Variants in TNFAIP8 observed in about 807,000 individuals in gnomAD.
TNFAIP8 encodes the protein TNF alpha induced protein 8.
In TNFAIP8, 7 loss-of-function variants were observed where a neutral mutation model predicts 13.3. The observed-to-expected ratio is 0.52, with a 90% CI of 0.30 to 0.99. The LOEUF (loss-of-function observed/expected upper bound fraction) is 0.99. Among genes scored for constraint, TNFAIP8 ranks in the 50% least tolerant of loss-of-function variants. TNFAIP8 has a pLI of 0.07. For missense variants in TNFAIP8, 258 were observed against 236.9 expected (o/e 1.09, Z -0.58); for synonymous variants, 94 against 87.6 (o/e 1.07, Z -0.41).
chr5:119,287,600 C>T (rs1299556109), intron 1 of TNFAIP8, among the ~76,000 whole-genome samples: 3 of 152,134 alleles, frequency 2.0e-5, no homozygotes, highest in Non-Finnish European at 4.4e-5. Context: ...TCCCCATTCC[C>T]CACCCTCCAA....
intron 1 of TNFAIP8, among the ~76,000 whole-genome samples, chr5:119,271,692 CAA>C (rs1162686988): frequency 1.3e-5 from 2 of 152,208 alleles, no homozygotes; most frequent in Non-Finnish European, 2.9e-5. Flanking sequence ...ATCTGGATAA[CAA>C]AGTGGACAAT....
intron 1 of TNFAIP8, chr5:119,306,318 C>CTTTTTTTT (rs770923933): frequency 3.3e-5 from 4 of 121,754 alleles, no homozygotes; most frequent in African/African-American, 4.2e-5. Flanking sequence ...TTCTTTCTTT[C>CTTTTTTTT]TTTTTCTTTT....
chr5:119,299,602 C>T (rs553032476), intron 1 of TNFAIP8, among the ~76,000 whole-genome samples: 2 of 152,310 alleles, frequency 1.3e-5, no homozygotes, highest in South Asian at 2.1e-4. Context: ...TCTCAGATCT[C>T]CAGCTGTGTG....
intron 1 of TNFAIP8, among the ~76,000 whole-genome samples, chr5:119,365,134 G>A (rs1019312609): frequency 4.6e-5 from 7 of 152,086 alleles, no homozygotes; most frequent in Non-Finnish European, 1.0e-4. Flanking sequence ...TTACAGGTGT[G>A]AGCCACCGCA....
chr5:119,366,954 G>C (rs1158537195), intron 1 of TNFAIP8, among the ~76,000 whole-genome samples: 1 of 152,188 alleles, frequency 6.6e-6, no homozygotes, highest in Non-Finnish European at 1.5e-5. Context: ...TGAGGGAGAG[G>C]AGATGTTGAT....
intron 1 of TNFAIP8, among the ~76,000 whole-genome samples, chr5:119,339,987 T>C (rs186968220): frequency 7.9e-4 from 121 of 152,346 alleles, no homozygotes; most frequent in Non-Finnish European, 1.5e-3. Context: ...GAGTTTCATT[T>C]AGTTTTCTCT....
chr5:119,351,788 C>CTTTTTCT (rs1751165710), upstream of TNFAIP8, among the ~76,000 whole-genome samples: 2 of 138,240 alleles, frequency 1.4e-5, no homozygotes, highest in African/African-American at 5.9e-5. Flanking sequence ...TTTTCTTTTT[C>CTTTTTCT]TTTTTTTCTT....
intron 1 of TNFAIP8, among the ~76,000 whole-genome samples, chr5:119,344,875 G>T (rs558280404): frequency 6.6e-6 from 1 of 152,118 alleles, no homozygotes; most frequent in Non-Finnish European, 1.5e-5. Context: ...TAATATTAAG[G>T]CTCCATCTGT....
At chr5:119,357,761 T>C (rs1368242311) in intron 1 of TNFAIP8, among the ~76,000 whole-genome samples, 8 of 152,004 alleles carry the variant, frequency 5.3e-5, no homozygotes, top group Admixed American at 3.9e-4. Context: ...ACAAATGATA[T>C]GGCGCTCTGC....
intron 1 of TNFAIP8, among the ~76,000 whole-genome samples, chr5:119,300,473 A>G (rs751795504): frequency 8.5e-5 from 13 of 152,202 alleles, no homozygotes; most frequent in Non-Finnish European, 1.5e-4. Flanking sequence ...TGAGTAATGG[A>G]ATTTTTTTGC....
At chr5:119,366,148 G>GA (rs111331324) in intron 1 of TNFAIP8, among the ~76,000 whole-genome samples, 2,628 of 136,536 alleles carry the variant, frequency 0.019, 30 homozygotes, top group African/African-American at 0.031. Context: ...ACTCTAAAAT[G>GA]AAAAAAAAAA....
In TNFAIP8 at chr5:119,393,006, C is replaced by A. The variant is rs767788115; in HGVS notation, c.222C>A (p.Asn74Lys). 3 of 1,613,166 alleles carry A rather than the reference C, an allele frequency of 1.9e-6. No homozygotes were observed. The highest frequency in any genetic ancestry group is 1.7e-6 in the Non-Finnish European group (2 of 1,179,538). The change falls in exon 2 of 2, where the codon AAC (asparagine) becomes AAA (lysine). Residue 74 changes from asparagine to lysine, a missense_variant. Asn to Lys is a moderately conservative substitution (Grantham distance 94). Transcript: ENST00000504771. ...AGGAGGCAGAGAAGATCATCAAGAACCTCATCAAGACAGTCATCAAGCTGG... is the reference window on the plus strand; with the variant it reads ...AGGAGGCAGAGAAGATCATCAAGAAACTCATCAAGACAGTCATCAAGCTGG... Reference protein sequence around the residue: ...NKKEAEKIIKNLIKTVIKLAI... With the variant: ...NKKEAEKIIKKLIKTVIKLAI...
chr5:119,275,182 G>T (rs1222301054), intron 1 of TNFAIP8, among the ~76,000 whole-genome samples: 4 of 152,010 alleles, frequency 2.6e-5, no homozygotes, highest in Non-Finnish European at 4.4e-5. Context: ...GGTCTTCACT[G>T]GGTGGAAAAA....
intron 1 of TNFAIP8, among the ~76,000 whole-genome samples, chr5:119,343,781 G>A (rs1750812769): frequency 6.6e-6 from 1 of 152,104 alleles, no homozygotes; most frequent in Non-Finnish European, 1.5e-5. Flanking sequence ...AGAGGAGTTG[G>A]GACCTGAGTA....
intron 1 of TNFAIP8, among the ~76,000 whole-genome samples, chr5:119,315,560 A>AG (rs1457129605): frequency 6.6e-6 from 1 of 152,218 alleles, no homozygotes; most frequent in Non-Finnish European, 1.5e-5. Context: ...TCTAGCTCCC[A>AG]GGGGAACAGT....
chr5:119,386,767 C>T (rs1271074831), intron 1 of TNFAIP8, among the ~76,000 whole-genome samples: 1 of 152,192 alleles, frequency 6.6e-6, no homozygotes, highest in Non-Finnish European at 1.5e-5. Flanking sequence ...TGTATTGATT[C>T]TCCCAAGACT....
At chr5:119,372,279 G>A (rs180940232) in intron 1 of TNFAIP8, among the ~76,000 whole-genome samples, 5 of 148,690 alleles carry the variant, frequency 3.4e-5, no homozygotes, top group African/African-American at 9.9e-5. Flanking sequence ...AGCAGAGATC[G>A]TGCCACTTCA....
rs565565146 is a variant in TNFAIP8, at chr5:119,393,389, A to G, written c.*8A>G. ...GATGAAGAGAACATATGAGCACATG[A>G]GTTAAGATTGTGACTGATCATGATT... is the stretch of plus-strand genomic sequence containing the variant. On this transcript the variant is annotated 3_prime_UTR_variant, in exon 2 of 2. Transcript: ENST00000504771. 17 of 1,605,758 alleles carry G rather than the reference A, an allele frequency of 1.1e-5. No individual in the cohort carries two copies. Among genetic ancestry groups the G allele is most frequent in the Middle Eastern group, 1.7e-4 (1 of 6,018 alleles).
At chr5:119,283,823 T>G (rs188125361) in intron 1 of TNFAIP8, among the ~76,000 whole-genome samples, 2 of 152,306 alleles carry the variant, frequency 1.3e-5, no homozygotes, top group East Asian at 3.9e-4. Context: ...AAATGACTCT[T>G]TGCTCCTAAG....
Sources: allele counts gnomAD v4.1 joint callset (sites outside exome capture counted in the v4.1 genomes callset), GRCh38; gene constraint gnomAD v4.1.1; transcripts MANE v1.5; gene names NCBI Gene and HGNC (gene_info 2026-07-23, HGNC 2026-07-21).